The following RFX4 variants were observed in gnomAD, a reference collection of about 807,000 sequenced individuals.
The protein encoded by RFX4 is transcription factor RFX4.
In RFX4, 10 loss-of-function variants were observed where a neutral mutation model predicts 95.0. The ratio of observed to expected loss-of-function variants is 0.11; its 90% CI spans 0.06 to 0.18. The LOEUF (loss-of-function observed/expected upper bound fraction) is 0.18. Among genes scored for constraint, RFX4 ranks in the 10% least tolerant of loss-of-function variants. RFX4 has a pLI of 1.00. For missense variants in RFX4, 640 were observed against 922.0 expected, an observed-to-expected ratio of 0.69 and a Z score of 3.96; for synonymous variants, 321 against 340.7, an observed-to-expected ratio of 0.94 and a Z score of 0.64.
chr12:106,677,463 C>A (rs545695148), intron 4 of RFX4, among the ~76,000 whole-genome samples: 1 of 152,160 alleles, frequency 6.6e-6, no homozygotes, highest in East Asian at 1.9e-4. Context: ...TCCTGAGGAG[C>A]CTGGATTTTT....
At chr12:106,609,033 T>A in intron 2 of RFX4, 150 bp downstream of exon 2, 1 of 646,260 alleles carries the variant, frequency 1.5e-6, no homozygotes, top group South Asian at 2.2e-5. Flanking sequence ...GTCCTCTCTG[T>A]AATATTCCAC....
intron 15 of RFX4, among the ~76,000 whole-genome samples, chr12:106,742,042 C>T (rs1352558596): frequency 1.3e-5 from 2 of 152,146 alleles, no homozygotes; most frequent in East Asian, 3.9e-4. Context: ...CGGTACTGGC[C>T]CTGGGGTTGG....
chr12:106,671,738 T>C (rs2041284748), intron 4 of RFX4, among the ~76,000 whole-genome samples: 1 of 152,202 alleles, frequency 6.6e-6, no homozygotes, highest in Non-Finnish European at 1.5e-5. Context: ...CTTGGCTCAC[T>C]GCAACTTCCG....
intron 2 of RFX4, among the ~76,000 whole-genome samples, chr12:106,632,650 T>A (rs2040438477): frequency 6.6e-6 from 1 of 152,206 alleles, no homozygotes; most frequent in African/African-American, 2.4e-5. Context: ...GACTTAATTT[T>A]AAAGTTTGGG....
At chr12:106,743,968 C>A (rs921705842) in intron 15 of RFX4, among the ~76,000 whole-genome samples, 1 of 152,058 alleles carries the variant, frequency 6.6e-6, no homozygotes, top group Non-Finnish European at 1.5e-5. Context: ...TTTCTTTTTA[C>A]GGAGGCAATA....
intron 11 of RFX4, among the ~76,000 whole-genome samples, chr12:106,715,911 G>A (rs1203463000): frequency 6.6e-6 from 1 of 152,144 alleles, no homozygotes; most frequent in East Asian, 1.9e-4. Context: ...TGGATATGCT[G>A]CCTATTTTTC....
At chr12:106,603,929 A>G (rs190957898) in intron 1 of RFX4, among the ~76,000 whole-genome samples, 1 of 152,196 alleles carries the variant, frequency 6.6e-6, no homozygotes, top group African/African-American at 2.4e-5. Flanking sequence ...TAGAAAAAGC[A>G]TGCATTTATT....
Position 106,749,518 on chromosome 12 carries a change from G to A in RFX4, c.1797-1137G>A, listed in dbSNP as rs143801396. The stretch of plus-strand genomic sequence containing the variant: ...TCGGGCAACCATTATTTTCTCAGGG[G>A]GCCTTTGAGAGTATTTCCACACATT... On this transcript the variant is annotated intron_variant, in intron 16 of 17. Coordinates refer to ENST00000392842, the MANE Select transcript of RFX4 (RefSeq NM_213594.3). Among the ~76,000 whole-genome samples the A allele has an allele frequency of 6.9e-3, 1,048 of 152,158 alleles. 17 individuals carry two copies. The highest frequency in any genetic ancestry group is 0.024 in the African/African-American group (1,005 of 41,482).
At chr12:106,727,767 G>A (rs548634105) in intron 13 of RFX4, among the ~76,000 whole-genome samples, 6 of 151,974 alleles carry the variant, frequency 3.9e-5, no homozygotes, top group South Asian at 2.1e-4. Context: ...TTACAGGTGC[G>A]CGCCACCACA....
chr12:106,648,626 G>T (rs890519073), intron 3 of RFX4, among the ~76,000 whole-genome samples: 2,252 of 124,902 alleles, frequency 0.018, 34 homozygotes, highest in Non-Finnish European at 0.027. Context: ...ATCCTGTGGG[G>T]TTTTTTTTTT....
chr12:106,711,184 C>T (rs901325903), intron 9 of RFX4, among the ~76,000 whole-genome samples: 2 of 152,150 alleles, frequency 1.3e-5, no homozygotes, highest in Admixed American at 1.3e-4. Flanking sequence ...TGATTGACGC[C>T]ACCATTTCTC....
chr12:106,761,635 G>T lies in RFX4; in HGVS notation c.*166G>T. The T allele has an allele frequency of 2.6e-6, 1 of 379,622 alleles. No individual in the cohort carries two copies. The highest frequency in any genetic ancestry group is 6.5e-5 in the East Asian group (1 of 15,460). 23.5% of individuals were successfully genotyped at this position (379,622 alleles called of 1,614,324 possible). On this transcript the variant is annotated 3_prime_UTR_variant, in exon 18 of 18. Coordinates refer to ENST00000392842, the MANE Select transcript of RFX4 (RefSeq NM_213594.3). ...CATGAGGATGGGATCAATGTGGGAT[G>T]AATAAACTTTAGTTCAGAAACAGGA...
At chr12:106,669,858 G>A (rs986421782) in intron 4 of RFX4, among the ~76,000 whole-genome samples, 2 of 151,398 alleles carry the variant, frequency 1.3e-5, no homozygotes, top group Non-Finnish European at 3.0e-5. Context: ...GTGTGTGTGT[G>A]TGTGTGTGTG....
chr12:106,633,155 G>A (rs1333261873), intron 2 of RFX4, among the ~76,000 whole-genome samples: 1 of 152,188 alleles, frequency 6.6e-6, no homozygotes, highest in Non-Finnish European at 1.5e-5. Flanking sequence ...CAGACCCTGG[G>A]CACAAAGTCA....
At chr12:106,644,664 G>T (rs1340451936) in intron 3 of RFX4, among the ~76,000 whole-genome samples, 1 of 152,196 alleles carries the variant, frequency 6.6e-6, no homozygotes, top group Non-Finnish European at 1.5e-5. Flanking sequence ...TCTGTATCAA[G>T]AAACAGAATT....
At chr12:106,605,211 A>G (rs148271876) in intron 1 of RFX4, among the ~76,000 whole-genome samples, 1 of 152,362 alleles carries the variant, frequency 6.6e-6, no homozygotes, top group African/African-American at 2.4e-5. Context: ...GTGGAAGAAC[A>G]CAGTGTTTCA....
Position 106,720,097 on chromosome 12 carries a change from C to A in RFX4, c.1233+43C>A. On this transcript the variant is annotated intron_variant, in intron 12 of 17. Transcript: ENST00000392842. This position sits in a 1 kb window ranked among gnomAD's most constrained non-coding sequence, Gnocchi z 4.2. The stretch of plus-strand genomic sequence containing the variant: ...TAGCGGGCAGCCTTGGGCCCTGCAG[C>A]CCACCACTGCCCTCTGTGAACTTGG... The A allele has an allele frequency of 6.7e-7, 1 of 1,485,910 alleles. No homozygotes were observed. Among genetic ancestry groups the A allele is most frequent in the Non-Finnish European group, 9.4e-7 (1 of 1,064,438 alleles). 92.0% of individuals were successfully genotyped at this position (1,485,910 alleles called of 1,614,324 possible).
At chr12:106,629,632 C>G (rs1261745556) in intron 2 of RFX4, among the ~76,000 whole-genome samples, 1 of 152,096 alleles carries the variant, frequency 6.6e-6, no homozygotes, top group East Asian at 1.9e-4. Flanking sequence ...CAGGTGTGCA[C>G]CACCATGCCT....
At chr12:106,724,772 A>G (rs921183163) in intron 13 of RFX4, among the ~76,000 whole-genome samples, 1 of 152,316 alleles carries the variant, frequency 6.6e-6, no homozygotes, top group East Asian at 1.9e-4. Flanking sequence ...CTGTAATCCT[A>G]GCACTTTGGG....
Sources: gnomAD v4.1 joint callset for allele counts (sites outside exome capture counted in the v4.1 genomes callset) on GRCh38, gnomAD v4.1.1 for gene constraint, Gnocchi (gnomAD v3.1) non-coding constraint, MANE v1.5 for transcripts, NCBI Gene and HGNC (gene_info 2026-07-23, HGNC 2026-07-21) for gene names.